PRKN: variants seen among roughly 807,000 people sequenced by gnomAD.
PRKN encodes parkin RBR E3 ubiquitin protein ligase.
PRKN carries 56 observed loss-of-function variants against 59.5 expected under a neutral mutation model. The ratio of observed to expected loss-of-function variants is 0.94; its 90% CI spans 0.76 to 1.18. The LOEUF is 1.18. PRKN is among the 50% of genes most tolerant of loss of function. The probability of loss-of-function intolerance (pLI) is 0.00; values close to 1 mark genes in which losing one functional copy is unlikely to be tolerated. For synonymous variants in PRKN, 250 were observed against 222.1 expected (o/e 1.13, Z -1.12); for missense variants, 657 against 596.4 (o/e 1.10, Z -1.06).
chr6:162,635,255 T>C (rs1777667378), intron 1 of PRKN, among the ~76,000 whole-genome samples: 1 of 152,344 alleles, frequency 6.6e-6, no homozygotes, highest in Non-Finnish European at 1.5e-5. Context: ...CATTCTGAGC[T>C]AGGCATTCAA....
intron 7 of PRKN, among the ~76,000 whole-genome samples, chr6:161,740,165 G>A (rs986273035): frequency 1.3e-5 from 2 of 152,202 alleles, no homozygotes; most frequent in African/African-American, 4.8e-5. Flanking sequence ...ATTAAATTGT[G>A]CAGCCTTTTC....
intron 1 of PRKN, among the ~76,000 whole-genome samples, chr6:162,688,986 AAACACTG>A (rs1262927804): frequency 6.6e-6 from 1 of 152,214 alleles, no homozygotes; most frequent in Non-Finnish European, 1.5e-5. Context: ...ATTTATGAAG[AAACACTG>A]TTCCCTATTA....
chr6:161,962,216 G>A (rs1164586954), intron 6 of PRKN, among the ~76,000 whole-genome samples: 2 of 152,110 alleles, frequency 1.3e-5, no homozygotes, highest in East Asian at 3.9e-4. Context: ...GTTTATAGAG[G>A]GCAAGGTAGA....
In PRKN at chr6:162,201,445, GA is replaced by G. The variant is rs1784727713; in HGVS notation, c.413-194del. On this transcript the variant is annotated intron_variant, in intron 3 of 11. Transcript: ENST00000366898. ...AAATCTAACTTTATGCTCCAAGAGT[GA>G]AATCTTTTCTCTCTCTTGCCAACAG... is the stretch of plus-strand genomic sequence containing the variant. Among the ~76,000 whole-genome samples the G allele has an allele frequency of 2.6e-5, 4 of 152,280 alleles. No homozygotes were observed. In the South Asian group the frequency reaches 8.3e-4, roughly 32 times the overall value.
intron 2 of PRKN, among the ~76,000 whole-genome samples, chr6:162,328,061 C>A (rs185349071): frequency 4.6e-4 from 66 of 143,144 alleles, no homozygotes; most frequent in Non-Finnish European, 9.3e-5. Flanking sequence ...AGAAATTGTT[C>A]CTCAAACAGC....
chr6:161,720,904 A>G (rs1787193830), intron 7 of PRKN, among the ~76,000 whole-genome samples: 1 of 152,150 alleles, frequency 6.6e-6, no homozygotes, highest in Non-Finnish European at 1.5e-5. Flanking sequence ...GATTAAGTGA[A>G]CCTTATCATT....
chr6:162,109,690 A>G (rs185266274), intron 4 of PRKN, among the ~76,000 whole-genome samples: 71 of 152,354 alleles, frequency 4.7e-4, no homozygotes, highest in Admixed American at 4.1e-3. Flanking sequence ...ATATTAATAC[A>G]GGAGCTGTCT....
chr6:162,555,747 T>C (rs1452317937), intron 1 of PRKN, among the ~76,000 whole-genome samples: 1 of 152,058 alleles, frequency 6.6e-6, no homozygotes, highest in African/African-American at 2.4e-5. Flanking sequence ...TCCCAGCACT[T>C]TGGGAGGCCG....
At chr6:162,497,024 G>C (rs1379663737) in intron 1 of PRKN, among the ~76,000 whole-genome samples, 2 of 152,144 alleles carry the variant, frequency 1.3e-5, no homozygotes, top group African/African-American at 4.8e-5. Flanking sequence ...TATTGTATAT[G>C]TAACAGTATA....
chr6:162,689,217 T>C (rs1241306697), intron 1 of PRKN, among the ~76,000 whole-genome samples: 1 of 152,138 alleles, frequency 6.6e-6, no homozygotes, highest in East Asian at 1.9e-4. Context: ...CTTTCTTAGT[T>C]CACAACAGGG....
chr6:162,446,913 T>A (rs1364582192), intron 1 of PRKN, among the ~76,000 whole-genome samples: 1 of 152,126 alleles, frequency 6.6e-6, no homozygotes, highest in African/African-American at 2.4e-5. Flanking sequence ...CTCTTTAAAG[T>A]CACAGAAGGC....
intron 2 of PRKN, among the ~76,000 whole-genome samples, chr6:162,330,166 T>G (rs1261215829): frequency 1.3e-5 from 2 of 152,180 alleles, no homozygotes; most frequent in Non-Finnish European, 2.9e-5. Context: ...ATGTCTCTTC[T>G]CATATTTCCA....
chr6:162,181,689 T>C (rs1783810887), intron 4 of PRKN, among the ~76,000 whole-genome samples: 1 of 152,082 alleles, frequency 6.6e-6, no homozygotes, highest in Non-Finnish European at 1.5e-5. Flanking sequence ...CTAAGAATCA[T>C]AAGTAGGAAT....
chr6:161,540,014 A>G (rs528889658), intron 9 of PRKN, among the ~76,000 whole-genome samples: 1 of 152,294 alleles, frequency 6.6e-6, no homozygotes, highest in South Asian at 2.1e-4. Flanking sequence ...ATAGTGCTGG[A>G]AAGGGGAAGA....
At chr6:162,702,040 G>A (rs529091878) in intron 1 of PRKN, among the ~76,000 whole-genome samples, 1 of 152,130 alleles carries the variant, frequency 6.6e-6, no homozygotes, top group South Asian at 2.1e-4. Flanking sequence ...TATTGTTTTT[G>A]TAGAACTAAA....
At chr6:161,556,047 C>T (rs7747958) in intron 8 of PRKN, among the ~76,000 whole-genome samples, 5 of 151,936 alleles carry the variant, frequency 3.3e-5, no homozygotes, top group South Asian at 4.1e-4. Flanking sequence ...GCTTTTATCT[C>T]GGAAGAAGTT....
intron 10 of PRKN, among the ~76,000 whole-genome samples, chr6:161,364,445 G>A (rs1427811037): frequency 4.5e-5 from 5 of 112,328 alleles, no homozygotes; most frequent in South Asian, 3.0e-4. Flanking sequence ...GCAACAGAAC[G>A]AGACTCCATC....
chr6:162,066,004 T>C (rs1471357677), intron 4 of PRKN, among the ~76,000 whole-genome samples: 3 of 152,216 alleles, frequency 2.0e-5, no homozygotes, highest in Non-Finnish European at 4.4e-5. Flanking sequence ...AAGTCTTTGC[T>C]ATTGTGAATA....
chr6:162,529,155 T>A (rs1489321727), intron 1 of PRKN, among the ~76,000 whole-genome samples: 1 of 152,224 alleles, frequency 6.6e-6, no homozygotes, highest in African/African-American at 2.4e-5. Flanking sequence ...ATTACTGGCA[T>A]GAGCCACTGT....
Sources: gnomAD v4.1 joint callset for allele counts (sites outside exome capture counted in the v4.1 genomes callset) on GRCh38, gnomAD v4.1.1 for gene constraint, MANE v1.5 for transcripts, NCBI Gene and HGNC (gene_info 2026-07-23, HGNC 2026-07-21) for gene names.